KAZN: variants seen among roughly 807,000 people sequenced by gnomAD.
The protein encoded by KAZN is kazrin, periplakin interacting protein, also known as kazrin.
Under a neutral mutation model 87.4 loss-of-function variants are expected in KAZN, and 40 were observed. The ratio of observed to expected loss-of-function variants is 0.46; its 90% CI spans 0.36 to 0.60. The LOEUF is 0.60. Among genes scored for constraint, KAZN ranks in the 20% least tolerant of loss-of-function variants. KAZN has a pLI of 0.00. For missense variants in KAZN, 898 were observed against 1,073.9 expected, an observed-to-expected ratio of 0.84 and a Z score of 2.29; for synonymous variants, 466 against 458.3, an observed-to-expected ratio of 1.02 and a Z score of -0.22.
intron 1 of KAZN, among the ~76,000 whole-genome samples, chr1:14,050,500 T>C (rs1399715852): frequency 6.6e-6 from 1 of 152,200 alleles, no homozygotes; most frequent in Non-Finnish European, 1.5e-5. Flanking sequence ...TGACAGCAGT[T>C]GGGAGAGAAT....
intron 1 of KAZN, among the ~76,000 whole-genome samples, chr1:14,013,966 A>G (rs74921801): frequency 0.018 from 2,811 of 152,244 alleles, 90 homozygotes; most frequent in African/African-American, 0.065. Flanking sequence ...CTCAGCAACA[A>G]TATTCCCAAC....
intron 1 of KAZN, among the ~76,000 whole-genome samples, chr1:14,880,577 A>C (rs1177398005): frequency 6.6e-6 from 1 of 152,110 alleles, no homozygotes; most frequent in African/African-American, 2.4e-5. Flanking sequence ...GGGGTGACTC[A>C]AATAGCTGGG....
chr1:14,761,907 T>TC (rs1384935616), intron 1 of KAZN, among the ~76,000 whole-genome samples: 3 of 135,660 alleles, frequency 2.2e-5, no homozygotes, highest in South Asian at 4.5e-4. Context: ...TTTTTTTTTT[T>TC]CTACTCAGCT....
chr1:14,223,964 C>T (rs1647171637), intron 2 of KAZN, among the ~76,000 whole-genome samples: 1 of 152,158 alleles, frequency 6.6e-6, no homozygotes, highest in Non-Finnish European at 1.5e-5. Context: ...GAAGGGAGAA[C>T]CATCCACCAT....
At chr1:14,117,129 A>C (rs1644640352) in intron 1 of KAZN, among the ~76,000 whole-genome samples, 3 of 152,142 alleles carry the variant, frequency 2.0e-5, no homozygotes, top group Non-Finnish European at 4.4e-5. Flanking sequence ...GAAATGAGTT[A>C]AGACATTGGG....
intron 2 of KAZN, among the ~76,000 whole-genome samples, chr1:14,584,494 G>T (rs1675732174): frequency 6.6e-6 from 1 of 152,176 alleles, no homozygotes; most frequent in South Asian, 2.1e-4. Flanking sequence ...CTTCCCAGTT[G>T]TGAGAGCCAT....
chr1:14,538,415 T>G (rs1314795498), intron 2 of KAZN, among the ~76,000 whole-genome samples: 1 of 152,214 alleles, frequency 6.6e-6, no homozygotes, highest in Non-Finnish European at 1.5e-5. Flanking sequence ...TTATAAAGAA[T>G]AGAAATGTAT....
intron 1 of KAZN, among the ~76,000 whole-genome samples, chr1:14,040,909 A>G (rs1013947761): frequency 5.3e-5 from 8 of 152,160 alleles, no homozygotes; most frequent in African/African-American, 1.9e-4. Context: ...ATAAACATTA[A>G]ATTACATTTT....
At chr1:14,467,661 T>C (rs1468623948) in intron 2 of KAZN, among the ~76,000 whole-genome samples, 2 of 136,498 alleles carry the variant, frequency 1.5e-5, no homozygotes, top group Non-Finnish European at 3.1e-5. Flanking sequence ...GCCTGATTCA[T>C]GTATCCAAAA....
intron 2 of KAZN, among the ~76,000 whole-genome samples, chr1:14,547,975 C>A (rs1673265695): frequency 6.7e-6 from 1 of 148,740 alleles, no homozygotes; most frequent in African/African-American, 2.5e-5. Flanking sequence ...CTGGGCCACA[C>A]TGGAAGAAGA....
chr1:14,835,756 C>T (rs552790283), intron 1 of KAZN, among the ~76,000 whole-genome samples: 2 of 152,230 alleles, frequency 1.3e-5, no homozygotes, highest in African/African-American at 2.4e-5. Flanking sequence ...CTCCACCACC[C>T]GTAGCCCTTG....
chr1:15,079,807 G>T (rs1340312270), intron 8 of KAZN, among the ~76,000 whole-genome samples: 1 of 152,230 alleles, frequency 6.6e-6, no homozygotes, highest in African/African-American at 2.4e-5. Context: ...GGCTGCACTT[G>T]CAATTGAGAC....
chr1:14,820,049 C>G lies in KAZN; in HGVS notation c.227-140635C>G, dbSNP rs779750820. On this transcript the variant is annotated intron_variant, in intron 1 of 14. Transcript: ENST00000376030. This position sits in a 1 kb window ranked among gnomAD's most constrained non-coding sequence, Gnocchi z 4.1. ...TTATATATATATAGTCCACCCTCACCTCTATCTAATCTAGTGGTTCTCCAA... is the reference window on the plus strand; with the variant it reads ...TTATATATATATAGTCCACCCTCACGTCTATCTAATCTAGTGGTTCTCCAA... Among the ~76,000 whole-genome samples, 11 of 152,112 alleles carry G rather than the reference C, an allele frequency of 7.2e-5. No individual in the cohort carries two copies. The highest frequency in any genetic ancestry group is 1.3e-4 in the Non-Finnish European group (9 of 68,014).
chr1:14,403,385 T>C (rs1368425454), intron 2 of KAZN, among the ~76,000 whole-genome samples: 1 of 147,486 alleles, frequency 6.8e-6, no homozygotes, highest in East Asian at 2.0e-4. Flanking sequence ...TTAGTAAAGA[T>C]CCCTTTACTC....
intron 2 of KAZN, among the ~76,000 whole-genome samples, chr1:14,560,880 C>G (rs574940029): frequency 2.0e-5 from 3 of 152,160 alleles, no homozygotes; most frequent in Non-Finnish European, 4.4e-5. Flanking sequence ...ACAGCCAGGC[C>G]TTACATCCGA....
intron 1 of KAZN, among the ~76,000 whole-genome samples, chr1:14,118,235 C>T (rs1322731606): frequency 6.6e-6 from 1 of 152,214 alleles, no homozygotes; most frequent in East Asian, 1.9e-4. Flanking sequence ...AAATACTTTA[C>T]TTATACATAA....
At chr1:14,164,695 C>T (rs564697659) in intron 1 of KAZN, among the ~76,000 whole-genome samples, 2 of 152,126 alleles carry the variant, frequency 1.3e-5, no homozygotes, top group African/African-American at 4.8e-5. Context: ...CATGCACCAC[C>T]ACGCCTGGCT....
chr1:14,122,734 T>A (rs1003262919), intron 1 of KAZN, among the ~76,000 whole-genome samples: 1 of 152,244 alleles, frequency 6.6e-6, no homozygotes, highest in Non-Finnish European at 1.5e-5. Flanking sequence ...TGAAACAGAT[T>A]GTTCTTCTGA....
intron 2 of KAZN, among the ~76,000 whole-genome samples, chr1:14,546,709 G>C (rs4276916): frequency 0.42 from 64,489 of 151,900 alleles, 14,443 homozygotes; most frequent in Middle Eastern, 0.57. Context: ...AATGCAATCT[G>C]TGTCAGGGTC....
Sources: gnomAD v4.1 joint callset for allele counts (sites outside exome capture counted in the v4.1 genomes callset) on GRCh38, gnomAD v4.1.1 for gene constraint, Gnocchi (gnomAD v3.1) non-coding constraint, MANE v1.5 for transcripts, NCBI Gene and HGNC (gene_info 2026-07-23, HGNC 2026-07-21) for gene names.